Variants in AK8 observed in about 807,000 individuals in gnomAD.
AK8 encodes ATP-AMP transphosphorylase 8.
In AK8, 44 loss-of-function variants were observed where a neutral mutation model predicts 54.6. That is an observed-to-expected ratio of 0.81 (90% CI 0.63 to 1.04). The LOEUF (loss-of-function observed/expected upper bound fraction) is 1.04. Ranked by LOEUF, AK8 falls within the 50% of genes least tolerant of loss-of-function variation. AK8 has a pLI of 0.00. For missense variants in AK8, 555 were observed against 613.6 expected, an observed-to-expected ratio of 0.90 and a Z score of 1.01; for synonymous variants, 239 against 245.6, an observed-to-expected ratio of 0.97 and a Z score of 0.25.
At chr9:132,815,171 G>T (rs1352631516) in intron 9 of AK8, among the ~76,000 whole-genome samples, 1 of 152,214 alleles carries the variant, frequency 6.6e-6, no homozygotes, top group Non-Finnish European at 1.5e-5. Context: ...CACAGCAGAG[G>T]GGGTGCAGTG....
intron 5 of AK8, among the ~76,000 whole-genome samples, chr9:132,838,697 C>T (rs1190207573): frequency 1.6e-4 from 25 of 152,162 alleles, no homozygotes; most frequent in Admixed American, 6.5e-5. Context: ...GGGTGGGGCT[C>T]CTGTGCTACG....
At chr9:132,765,328 A>G (rs1172971816) in intron 11 of AK8, among the ~76,000 whole-genome samples, 3 of 149,886 alleles carry the variant, frequency 2.0e-5, no homozygotes, top group Non-Finnish European at 3.0e-5. Flanking sequence ...AATTCACCAT[A>G]ATCATGTGGT....
chr9:132,849,806 GGT>G, intron 5 of AK8, among the ~76,000 whole-genome samples: 1 of 152,172 alleles, frequency 6.6e-6, no homozygotes, highest in African/African-American at 2.4e-5. Flanking sequence ...GGAGTGCCGT[GGT>G]GCGTGTCGGC....
At chr9:132,866,311 T>C (rs59852740) in intron 3 of AK8, among the ~76,000 whole-genome samples, 3 of 152,272 alleles carry the variant, frequency 2.0e-5, no homozygotes, top group East Asian at 3.9e-4. Flanking sequence ...AAACTGGTGA[T>C]GTGTGAAAAA....
At chr9:132,728,056 A>G (rs1353468445) in intron 11 of AK8, among the ~76,000 whole-genome samples, 1 of 152,114 alleles carries the variant, frequency 6.6e-6, no homozygotes, top group Admixed American at 6.5e-5. Flanking sequence ...ACCTCTATAC[A>G]TTAGATTTTG....
At chr9:132,821,022 G>A (rs1299916851) in intron 9 of AK8, among the ~76,000 whole-genome samples, 2 of 151,864 alleles carry the variant, frequency 1.3e-5, no homozygotes, top group African/African-American at 4.8e-5. Flanking sequence ...ATGGCTCTTA[G>A]GTAACAAGCA....
chr9:132,768,702 T>C (rs1021436542), intron 11 of AK8, among the ~76,000 whole-genome samples: 4 of 152,202 alleles, frequency 2.6e-5, no homozygotes, highest in African/African-American at 4.8e-5. Flanking sequence ...AGTTGTTGCA[T>C]TGTAATAGAA....
At chr9:132,739,293 T>C (rs1167168262) in intron 11 of AK8, among the ~76,000 whole-genome samples, 1 of 151,348 alleles carries the variant, frequency 6.6e-6, no homozygotes, top group Non-Finnish European at 1.5e-5. Context: ...CTACTAAAGA[T>C]AAGCCAGGTG....
At chr9:132,840,526 A>G (rs990508757) in intron 5 of AK8, among the ~76,000 whole-genome samples, 4 of 152,068 alleles carry the variant, frequency 2.6e-5, no homozygotes, top group Non-Finnish European at 5.9e-5. Flanking sequence ...CAGGCACTAC[A>G]CTGAAAAGAC....
intron 10 of AK8, among the ~76,000 whole-genome samples, chr9:132,802,691 G>A (rs1171059292): frequency 6.6e-6 from 1 of 152,172 alleles, no homozygotes; most frequent in East Asian, 1.9e-4. Context: ...GAAAAACCAA[G>A]GAATCAAGCT....
intron 5 of AK8, among the ~76,000 whole-genome samples, chr9:132,832,810 G>A (rs1238003691): frequency 6.6e-6 from 1 of 152,304 alleles, no homozygotes; most frequent in East Asian, 1.9e-4. Flanking sequence ...AGCAAAATGA[G>A]GAACATCTCC....
At chr9:132,806,116 G>A (rs1840713285) in intron 10 of AK8, among the ~76,000 whole-genome samples, 1 of 151,706 alleles carries the variant, frequency 6.6e-6, no homozygotes, top group Non-Finnish European at 1.5e-5. Flanking sequence ...GTGTGTGTGT[G>A]TGTGTGTGTG....
At chr9:132,769,166 G>A (rs963032141) in intron 11 of AK8, 1 of 152,264 alleles carries the variant, frequency 6.6e-6, no homozygotes, top group African/African-American at 2.4e-5. Flanking sequence ...TGACGGGGAT[G>A]ACAGAGAGGC....
chr9:132,739,783 A>G (rs989253421), intron 11 of AK8, among the ~76,000 whole-genome samples: 2 of 152,238 alleles, frequency 1.3e-5, no homozygotes, highest in Non-Finnish European at 2.9e-5. Context: ...GAAGTCAGGA[A>G]GAAAAGAGAA....
intron 9 of AK8, among the ~76,000 whole-genome samples, chr9:132,819,194 G>A (rs1841469393): frequency 6.6e-6 from 1 of 152,168 alleles, no homozygotes; most frequent in Admixed American, 6.5e-5. Flanking sequence ...CGTCTGCACT[G>A]AACATGTAGT....
chr9:132,756,731 C>T (rs188635139), intron 11 of AK8, among the ~76,000 whole-genome samples: 45 of 152,238 alleles, frequency 3.0e-4, no homozygotes, highest in African/African-American at 9.6e-4. Flanking sequence ...ACGCACGTCA[C>T]CTAATTTATC....
At chr9:132,804,745 C>T (rs904578009) in intron 10 of AK8, among the ~76,000 whole-genome samples, 5 of 152,268 alleles carry the variant, frequency 3.3e-5, no homozygotes, top group Admixed American at 1.3e-4. Flanking sequence ...CCTCTATGTC[C>T]GATGAGGCTG....
chr9:132,858,764 G>A (rs972821852), intron 4 of AK8, among the ~76,000 whole-genome samples: 2 of 152,182 alleles, frequency 1.3e-5, no homozygotes, highest in African/African-American at 2.4e-5. Flanking sequence ...TTGGGAGGGG[G>A]AGACAGGAGG....
chr9:132,738,847 C>T (rs926678201), intron 11 of AK8, among the ~76,000 whole-genome samples: 1 of 151,356 alleles, frequency 6.6e-6, no homozygotes, highest in Non-Finnish European at 1.5e-5. Flanking sequence ...CTCTATCTCC[C>T]GGGCTCAAGT....
Sources: gnomAD v4.1 joint callset for allele counts (sites outside exome capture counted in the v4.1 genomes callset) on GRCh38, gnomAD v4.1.1 for gene constraint, MANE v1.5 for transcripts, NCBI Gene and HGNC (gene_info 2026-07-23, HGNC 2026-07-21) for gene names.